The following DOCK8 variants were observed in gnomAD, a reference collection of about 807,000 sequenced individuals.
DOCK8 encodes the protein dedicator of cytokinesis 8.
Under a neutral mutation model 245.6 loss-of-function variants are expected in DOCK8, and 141 were observed. The observed-to-expected ratio is 0.57, with a 90% CI of 0.50 to 0.66. DOCK8 has a LOEUF of 0.66. Among genes scored for constraint, DOCK8 ranks in the 30% least tolerant of loss-of-function variants. The pLI is 0.00. For synonymous variants in DOCK8, 1,168 were observed against 970.2 expected, an observed-to-expected ratio of 1.20 and a Z score of -3.79; for missense variants, 2,965 against 2,603.4, an observed-to-expected ratio of 1.14 and a Z score of -3.02.
intron 7 of DOCK8, among the ~76,000 whole-genome samples, chr9:319,392 A>G (rs1053273751): frequency 6.6e-6 from 1 of 152,256 alleles, no homozygotes; most frequent in Admixed American, 6.5e-5. Context: ...TCGAATTGAC[A>G]TATTTGCCAG....
intron 28 of DOCK8, among the ~76,000 whole-genome samples, chr9:408,131 A>G (rs1005485979): frequency 3.9e-5 from 6 of 152,220 alleles, no homozygotes; most frequent in Non-Finnish European, 8.8e-5. Context: ...TAATGGTAGC[A>G]TTGCTGTATG....
intron 14 of DOCK8, among the ~76,000 whole-genome samples, chr9:364,978 TG>T (rs1347938397): frequency 6.6e-6 from 1 of 151,986 alleles, no homozygotes; most frequent in African/African-American, 2.4e-5. Context: ...ATTTAGTGAA[TG>T]GGGAAGCCCT....
intron 8 of DOCK8, among the ~76,000 whole-genome samples, chr9:326,018 C>G (rs1014544148): frequency 1.3e-5 from 2 of 152,134 alleles, no homozygotes; most frequent in Non-Finnish European, 2.9e-5. Context: ...TAAAACAAAC[C>G]CATTTAAATA....
rs1210792510 is a variant in DOCK8 at position 307,329 on chromosome 9, G to GTTTTTTTT, written c.528+2626_528+2633dup. 9.3e-5 allele frequency among the ~76,000 whole-genome samples: 7 copies of GTTTTTTTT among 75,138 alleles called. 2 individuals are homozygous for GTTTTTTTT. The highest frequency in any genetic ancestry group is 2.9e-4 in the African/African-American group (6 of 20,456). The allele number at this position is 75,138 out of a possible 152,430, so 49.3% of individuals were successfully genotyped here. Reference sequence around the variant, plus strand: ...AACTCAAGTCACTGTGTTGTGTGTGGTTTTTTTTGTTTTTTTTTTTTTTTT... The same window carrying GTTTTTTTT: ...AACTCAAGTCACTGTGTTGTGTGTGGTTTTTTTTTTTTTTTTGTTTTTTTTTTTTTTTT... On this transcript the variant is annotated intron_variant, in intron 5 of 47. Transcript: ENST00000432829.
At chr9:379,705 A>C in intron 20 of DOCK8, 66 bp from the exon 21 acceptor site, 1 of 1,572,778 alleles carries the variant, frequency 6.4e-7, no homozygotes, top group South Asian at 1.1e-5. Flanking sequence ...TGTCCTGGAG[A>C]AACTTCCACC....
At chr9:463,909 T>C (rs927731113) in intron 47 of DOCK8, among the ~76,000 whole-genome samples, 1 of 152,236 alleles carries the variant, frequency 6.6e-6, no homozygotes, top group African/African-American at 2.4e-5. Flanking sequence ...GTTGGTCTTG[T>C]GCCAGGGTAT....
chr9:351,981 C>T (rs55924565), intron 14 of DOCK8, among the ~76,000 whole-genome samples: 1,684 of 152,280 alleles, frequency 0.011, 16 homozygotes, highest in Non-Finnish European at 0.016. Context: ...ATGTCAGTAC[C>T]TCCAAGTGAT....
At position 435,171 on chromosome 9, in the gene DOCK8, T is replaced by C. The variant is rs1024993680; in HGVS notation, c.5079+196T>C. 4.7e-4 allele frequency among the ~76,000 whole-genome samples: 71 copies of C among 152,244 alleles called. 1 individual carries two copies. The highest frequency in any genetic ancestry group is 6.5e-4 in the Admixed American group (10 of 15,290). ...ACATTCTGCAATAGGAGAGCTCCCC[T>C]GACAAAGAATTGTCTGGCCCCAAAT... On this transcript the variant is annotated intron_variant, in intron 39 of 47. Transcript: ENST00000432829.
At chr9:285,848 G>A (rs541347859) in intron 2 of DOCK8, among the ~76,000 whole-genome samples, 1 of 152,278 alleles carries the variant, frequency 6.6e-6, no homozygotes, top group South Asian at 2.1e-4. Context: ...CTGCAGTCCA[G>A]TGGAAATTTC....
At chr9:290,270 T>C (rs961188154) in intron 4 of DOCK8, among the ~76,000 whole-genome samples, 1 of 138,208 alleles carries the variant, frequency 7.2e-6, no homozygotes, top group Admixed American at 7.0e-5. Context: ...CATTATGAGG[T>C]TTTTTTTTTT....
At chr9:298,480 C>T (rs1198322948) in intron 4 of DOCK8, among the ~76,000 whole-genome samples, 2 of 152,128 alleles carry the variant, frequency 1.3e-5, no homozygotes, top group Admixed American at 6.6e-5. Context: ...AGATACAGTG[C>T]ATGAACTTTT....
At chr9:425,362 C>G (rs1221866461) in intron 33 of DOCK8, among the ~76,000 whole-genome samples, 1 of 152,030 alleles carries the variant, frequency 6.6e-6, no homozygotes, top group African/African-American at 2.4e-5. Flanking sequence ...GAAACCCCGT[C>G]TCTACTAAAA....
At chr9:342,036 T>G (rs1371799942) in intron 14 of DOCK8, among the ~76,000 whole-genome samples, 1 of 152,208 alleles carries the variant, frequency 6.6e-6, no homozygotes, top group Non-Finnish European at 1.5e-5. Flanking sequence ...GGGCTCCTAC[T>G]GATTCTATAT....
chr9:284,000 C>A (rs2048705584), intron 2 of DOCK8, among the ~76,000 whole-genome samples: 1 of 152,086 alleles, frequency 6.6e-6, no homozygotes, highest in Admixed American at 6.6e-5. Flanking sequence ...CAATCCTAGT[C>A]CAATTTCTTT....
chr9:263,539 T>C (rs2047969855), intron 1 of DOCK8, among the ~76,000 whole-genome samples: 1 of 152,202 alleles, frequency 6.6e-6, no homozygotes, highest in Non-Finnish European at 1.5e-5. Context: ...GTTTACCCTT[T>C]TGGTGTATTT....
chr9:274,908 C>T (rs12345814), intron 2 of DOCK8, among the ~76,000 whole-genome samples: 14,274 of 152,236 alleles, frequency 0.094, 1,060 homozygotes, highest in African/African-American at 0.21. Context: ...CAATGGCCCA[C>T]TTGCTGATAC....
In DOCK8 at chr9:369,937, G is replaced by A. The variant is rs189329040; in HGVS notation, c.1798-293G>A. On this transcript the variant is annotated intron_variant, in intron 15 of 47. Coordinates refer to ENST00000432829, the MANE Select transcript of DOCK8 (RefSeq NM_203447.4). ...TTGCCTCCGCCCCCTGAGTAGCAGGGACTATACGCATGTGCCACCACGCCT... is the reference window on the plus strand; with the variant it reads ...TTGCCTCCGCCCCCTGAGTAGCAGGAACTATACGCATGTGCCACCACGCCT... The A allele has an allele frequency of 7.8e-5, 33 of 423,786 alleles. No homozygotes were observed. In the East Asian group the frequency reaches 1.7e-3, roughly 22 times the overall value. The allele number at this position is 423,786 out of a possible 1,614,324, so 26.3% of individuals were successfully genotyped here. A position where few individuals can be genotyped will look rare whatever the true frequency, so the allele number is the denominator to read the frequency against.
intron 1 of DOCK8, among the ~76,000 whole-genome samples, chr9:260,863 G>C (rs540531722): frequency 2.0e-5 from 3 of 152,148 alleles, no homozygotes; most frequent in Non-Finnish European, 4.4e-5. Flanking sequence ...TAATAAAAAG[G>C]AATGAACAAT....
intron 14 of DOCK8, among the ~76,000 whole-genome samples, chr9:345,859 T>C (rs2051857737): frequency 6.6e-6 from 1 of 152,160 alleles, no homozygotes; most frequent in African/African-American, 2.4e-5. Context: ...CAGCTGTAGA[T>C]GAGTTCTGGT....
Sources: allele counts gnomAD v4.1 joint callset (sites outside exome capture counted in the v4.1 genomes callset), GRCh38; gene constraint gnomAD v4.1.1; transcripts MANE v1.5; gene names NCBI Gene and HGNC (gene_info 2026-07-23, HGNC 2026-07-21).